The following SLC22A2 variants were observed in gnomAD, a reference collection of about 807,000 sequenced individuals.
SLC22A2 encodes the protein solute carrier family 22 member 2, also known as organic cation transporter 2.
SLC22A2 carries 46 observed loss-of-function variants against 60.5 expected under a neutral mutation model. The ratio of observed to expected loss-of-function variants is 0.76; its 90% CI spans 0.60 to 0.97. The LOEUF (loss-of-function observed/expected upper bound fraction) is 0.97, where lower values mean the gene tolerates loss of function less well. Ranked by LOEUF, SLC22A2 falls within the 50% of genes least tolerant of loss-of-function variation. The pLI, the probability that SLC22A2 is intolerant of heterozygous loss-of-function variation, is 0.00. For missense variants in SLC22A2, 701 were observed against 706.6 expected (o/e 0.99, Z 0.09); for synonymous variants, 303 against 267.0 (o/e 1.13, Z -1.31).
chr6:160,230,742 A>G (rs1782808366), intron 9 of SLC22A2, among the ~76,000 whole-genome samples: 1 of 151,702 alleles, frequency 6.6e-6, no homozygotes, highest in Non-Finnish European at 1.5e-5. Context: ...TTCCTCCAGA[A>G]CCTCCTCCCC....
At chr6:160,252,234 CAA>C (rs1175483967) in intron 2 of SLC22A2, among the ~76,000 whole-genome samples, 2 of 152,190 alleles carry the variant, frequency 1.3e-5, no homozygotes, top group African/African-American at 4.8e-5. Context: ...CCTTTACCCT[CAA>C]AGAGTATATA....
Position 160,258,369 on chromosome 6 carries a change from G to A in SLC22A2, c.389C>T (p.Thr130Met), listed in dbSNP as rs922475558. ...CTCGGTGACGATGGACGAGCCAGGC[G>A]TCTCGTACACCCAGCCGTCCCGGCA... ...GPCRDGWVYE[T>M]PGSSIVTEFN... is the part of the protein sequence containing the mutation. The change falls in exon 1 of 11, where the codon ACG becomes ATG. Residue 130 changes from threonine to methionine, a missense_variant. Transcript: ENST00000366953. 8.7e-6 allele frequency: 14 copies of A among 1,612,458 alleles called. No individual in the cohort carries two copies. Among genetic ancestry groups the A allele is most frequent in the Non-Finnish European group, 1.2e-5 (14 of 1,179,358 alleles).
At chr6:160,240,122 C>T (rs971294167) in intron 9 of SLC22A2, among the ~76,000 whole-genome samples, 3 of 152,086 alleles carry the variant, frequency 2.0e-5, no homozygotes, top group Non-Finnish European at 4.4e-5. Flanking sequence ...GAGCCACAGA[C>T]ACATCTGTGG....
intron 10 of SLC22A2, 21 bp from the exon 11 acceptor site, chr6:160,217,519 G>A (rs1250315317): frequency 2.2e-6 from 3 of 1,362,722 alleles, no homozygotes; most frequent in Non-Finnish European, 3.1e-6. Flanking sequence ...AAATAAAAAT[G>A]GAGAGGGGAG....
At chr6:160,246,407 G>C (rs1457392163) in intron 5 of SLC22A2, among the ~76,000 whole-genome samples, 1 of 152,096 alleles carries the variant, frequency 6.6e-6, no homozygotes, top group African/African-American at 2.4e-5. Context: ...CACAGGTAAC[G>C]AACACCTCTG....
chr6:160,231,177 C>T (rs625438), intron 9 of SLC22A2, among the ~76,000 whole-genome samples: 105,134 of 151,622 alleles, frequency 0.69, 38,741 homozygotes, highest in Admixed American at 0.81. Context: ...TAAAATTCCC[C>T]CACTCTGGTG....
intron 10 of SLC22A2, among the ~76,000 whole-genome samples, chr6:160,224,100 G>A (rs1782685973): frequency 6.6e-6 from 1 of 152,088 alleles, no homozygotes; most frequent in Non-Finnish European, 1.5e-5. Context: ...CAGCAACACG[G>A]GAGACTACAT....
intron 10 of SLC22A2, among the ~76,000 whole-genome samples, chr6:160,224,497 C>T (rs150356795): frequency 2.6e-5 from 4 of 152,180 alleles, no homozygotes; most frequent in African/African-American, 7.2e-5. Context: ...TTTAGAAAGA[C>T]CTTCTCCACG....
chr6:160,240,661 G>T (rs918182270), intron 9 of SLC22A2, among the ~76,000 whole-genome samples: 2 of 152,178 alleles, frequency 1.3e-5, no homozygotes, highest in Non-Finnish European at 2.9e-5. Context: ...GGGGTCCTGA[G>T]ATTTTTAAAT....
At chr6:160,220,330 G>C (rs1782625403) in intron 10 of SLC22A2, among the ~76,000 whole-genome samples, 1 of 152,230 alleles carries the variant, frequency 6.6e-6, no homozygotes, top group South Asian at 2.1e-4. Context: ...AAGCAATTCA[G>C]TCACATCTTC....
chr6:160,243,616 A>G lies in SLC22A2; in HGVS notation c.1235T>C (p.Met412Thr). 6.2e-7 allele frequency: 1 copy of G among 1,614,070 alleles called. No individual in the cohort carries two copies. The highest frequency in any genetic ancestry group is 8.5e-7 in the Non-Finnish European group (1 of 1,179,948). Residue 412 changes from methionine to threonine, a missense_variant, in exon 7 of 11, where the codon ATG becomes ACG. Transcript: ENST00000366953. ...GGCCAGACAGGCTGCCCCTGCAACCATATTTGATGCAGCCCAAGGGTAACG... is the reference window on the plus strand; with the variant it reads ...GGCCAGACAGGCTGCCCCTGCAACCGTATTTGATGCAGCCCAAGGGTAACG... Reference protein sequence around the residue: ...GRRYPWAASNMVAGAACLASV... With the variant: ...GRRYPWAASNTVAGAACLASV...
intron 9 of SLC22A2, among the ~76,000 whole-genome samples, chr6:160,235,842 T>A (rs562000103): frequency 6.6e-6 from 1 of 152,270 alleles, no homozygotes; most frequent in Non-Finnish European, 1.5e-5. Flanking sequence ...ATTTGACTTA[T>A]GTAGTATAAA....
At chr6:160,253,174 G>A (rs1362487559) in intron 2 of SLC22A2, among the ~76,000 whole-genome samples, 2 of 152,204 alleles carry the variant, frequency 1.3e-5, no homozygotes, top group Non-Finnish European at 2.9e-5. Context: ...GTTCCTTGTG[G>A]AGCAGGGATA....
chr6:160,255,634 T>C (rs1180513727), intron 2 of SLC22A2, among the ~76,000 whole-genome samples: 2 of 152,162 alleles, frequency 1.3e-5, no homozygotes, highest in Non-Finnish European at 1.5e-5. Flanking sequence ...TAATAATCTA[T>C]AGTTATGTAT....
intron 9 of SLC22A2, among the ~76,000 whole-genome samples, chr6:160,229,671 C>T (rs1782787514): frequency 6.6e-6 from 1 of 151,688 alleles, no homozygotes; most frequent in Non-Finnish European, 1.5e-5. Flanking sequence ...CTCTCTGTGT[C>T]TCTACTCTCT....
chr6:160,246,432 T>A (rs905713279), intron 5 of SLC22A2, among the ~76,000 whole-genome samples: 1 of 152,138 alleles, frequency 6.6e-6, no homozygotes, highest in Non-Finnish European at 1.5e-5. Context: ...TGGATTCTAT[T>A]TAAGAAGGCA....
intron 1 of SLC22A2, chr6:160,258,046 C>A: frequency 2.9e-6 from 1 of 350,314 alleles, no homozygotes. Flanking sequence ...CCACAATATC[C>A]CTATCTTGGC....
At chr6:160,218,922 C>CAACAAG (rs1782591411) in intron 10 of SLC22A2, among the ~76,000 whole-genome samples, 1 of 144,892 alleles carries the variant, frequency 6.9e-6, no homozygotes, top group Non-Finnish European at 1.5e-5. Flanking sequence ...ACAGCAGCAG[C>CAACAAG]AGCAACAGAA....
chr6:160,218,607 T>TCAAC, intron 10 of SLC22A2, among the ~76,000 whole-genome samples: 1 of 60,796 alleles, frequency 1.6e-5, no homozygotes, highest in East Asian at 6.2e-4. Flanking sequence ...TCCTCAGTAG[T>TCAAC]AACAGCAATA....
Sources: gnomAD v4.1 joint callset for allele counts (sites outside exome capture counted in the v4.1 genomes callset) on GRCh38, gnomAD v4.1.1 for gene constraint, MANE v1.5 for transcripts, NCBI Gene and HGNC (gene_info 2026-07-23, HGNC 2026-07-21) for gene names.